Variants in ESR1 observed in about 807,000 individuals in gnomAD.
ESR1 encodes the protein estrogen receptor 1, also known as estrogen receptor.
Under a neutral mutation model 52.7 loss-of-function variants are expected in ESR1, and 12 were observed. That is an observed-to-expected ratio of 0.23 (90% confidence interval 0.15 to 0.37). The LOEUF is 0.37. Among genes scored for constraint, ESR1 ranks in the 10% least tolerant of loss-of-function variants. The pLI is 1.00. For missense variants in ESR1, 584 were observed against 779.7 expected (o/e 0.75, Z 2.99); for synonymous variants, 305 against 316.8 (o/e 0.96, Z 0.39).
chr6:151,827,571 C>T (rs552433567), intron 1 of ESR1, among the ~76,000 whole-genome samples: 2 of 152,272 alleles, frequency 1.3e-5, no homozygotes, highest in East Asian at 1.9e-4. Flanking sequence ...ATGTACACAT[C>T]GCCCAGCTTC....
intron 2 of ESR1, among the ~76,000 whole-genome samples, chr6:151,760,330 T>C (rs868797211): frequency 1.4e-4 from 22 of 152,224 alleles, no homozygotes; most frequent in Non-Finnish European, 1.6e-4. Flanking sequence ...CAAGGCATTG[T>C]AGTTGGTGGA....
exon 7 of ESR1, chr6:152,125,313 A>G (rs2053005034): frequency 6.5e-7 from 1 of 1,550,268 alleles, no homozygotes; most frequent in Admixed American, 2.0e-5. Flanking sequence ...CTTGCATCCT[A>G]AAATATTTGG....
In ESR1 at chr6:152,100,298, G is replaced by A. The variant is rs17847057; in HGVS notation, c.*1332G>A. On this transcript the variant is annotated 3_prime_UTR_variant, in exon 8 of 8. Transcript: ENST00000206249. ...GGGGCACGGGAGAAGGGTGGGGACC[G>A]TTGCTGTCACTACTCAGGCTGACTG... The A allele has an allele frequency of 1.8e-4, 69 of 389,596 alleles. No homozygotes were observed. Among genetic ancestry groups the A allele is most frequent in the East Asian group, 1.1e-3 (30 of 27,608 alleles). 24.1% of individuals were successfully genotyped at this position (389,596 alleles called of 1,614,324 possible).
chr6:151,796,022 C>T (rs1305541993), intron 2 of ESR1, among the ~76,000 whole-genome samples: 1 of 151,494 alleles, frequency 6.6e-6, no homozygotes, highest in Non-Finnish European at 1.5e-5. Flanking sequence ...CACAATTAGC[C>T]GGGCATGGTG....
intron 1 of ESR1, among the ~76,000 whole-genome samples, chr6:151,684,059 A>G (rs1467933694): frequency 6.6e-6 from 1 of 152,008 alleles, no homozygotes; most frequent in Non-Finnish European, 1.5e-5. Flanking sequence ...CAAGCTCCTC[A>G]GGATCATATC....
At position 152,101,598 on chromosome 6, in the gene ESR1, G is replaced by C; in HGVS notation, c.*2632G>C. On this transcript the variant is annotated 3_prime_UTR_variant, in exon 8 of 8. Coordinates refer to ENST00000206249, the MANE Select transcript of ESR1 (RefSeq NM_000125.4). Reference sequence around the variant, plus strand: ...ATTTTTACTTGAAGTGCCACTAATGGACAGCAGATATTTTCTGGCTGATGT... The same window carrying C: ...ATTTTTACTTGAAGTGCCACTAATGCACAGCAGATATTTTCTGGCTGATGT... 4.3e-6 allele frequency: 1 copy of C among 230,716 alleles called. No homozygotes were observed. Among genetic ancestry groups the C allele is most frequent in the East Asian group, 6.2e-5 (1 of 16,210 alleles). 14.3% of individuals were successfully genotyped at this position (230,716 alleles called of 1,614,324 possible). A position where few individuals can be genotyped will look rare whatever the true frequency, so the allele number is the denominator to read the frequency against.
At chr6:151,918,460 C>T (rs1019416165) in intron 3 of ESR1, among the ~76,000 whole-genome samples, 8 of 152,270 alleles carry the variant, frequency 5.3e-5, no homozygotes, top group Admixed American at 2.0e-4. Flanking sequence ...GTGTATCACC[C>T]CAAAGGACTA....
chr6:151,707,573 C>T (rs1780276477), intron 2 of ESR1, among the ~76,000 whole-genome samples: 1 of 151,944 alleles, frequency 6.6e-6, no homozygotes, highest in Non-Finnish European at 1.5e-5. Context: ...TTTTATTTAA[C>T]ATTAGAATTT....
chr6:151,687,129 A>T (rs1351515887), upstream of ESR1, among the ~76,000 whole-genome samples: 1 of 151,958 alleles, frequency 6.6e-6, no homozygotes, highest in Non-Finnish European at 1.5e-5. Context: ...CATCTTTTTC[A>T]CATTTGGTCA....
rs1315045694 is a variant in ESR1, at chr6:152,098,607, A to T, written c.1554-125A>T. ...CTCCCATCCTAAAGTGGGTCTTTAA[A>T]CAGGAAGAAAGAAAGATTGCTAAGT... On this transcript the variant is annotated intron_variant, in intron 7 of 7. Transcript: ENST00000206249. The surrounding 1 kb of genome is among the most constrained non-coding windows in gnomAD (Gnocchi z 5.1). 1.2e-6 allele frequency: 1 copy of T among 830,406 alleles called. No individual in the cohort carries two copies. Among genetic ancestry groups the T allele is most frequent in the African/African-American group, 1.7e-5 (1 of 59,502 alleles). 51.4% of individuals were successfully genotyped at this position (830,406 alleles called of 1,614,324 possible). A position where few individuals can be genotyped will look rare whatever the true frequency, so the allele number is the denominator to read the frequency against.
chr6:152,087,695 C>T (rs915080517), intron 6 of ESR1, among the ~76,000 whole-genome samples: 6 of 152,170 alleles, frequency 3.9e-5, no homozygotes, highest in Non-Finnish European at 2.9e-5. Context: ...GATAGATCAT[C>T]CTCTTAAAGT....
intron 2 of ESR1, among the ~76,000 whole-genome samples, chr6:151,863,734 C>G (rs972240850): frequency 6.6e-6 from 1 of 152,094 alleles, no homozygotes; most frequent in African/African-American, 2.4e-5. Flanking sequence ...TGGAACAGAA[C>G]AGAGCCCTCA....
intron 6 of ESR1, among the ~76,000 whole-genome samples, chr6:152,083,941 T>C (rs1200075981): frequency 6.6e-6 from 1 of 152,194 alleles, no homozygotes; most frequent in East Asian, 1.9e-4. Flanking sequence ...CAAAGGATTA[T>C]AAATCATGCT....
rs147612495 is a variant in ESR1 at position 151,967,646 on chromosome 6, C to T, written c.1096+23138C>T. ...TGTGAATAGTGCCACAATAAACATA[C>T]GTGTTCATGTGTCTTTATAGTAGAA... On this transcript the variant is annotated intron_variant, in intron 4 of 7. Coordinates refer to ENST00000206249, the MANE Select transcript of ESR1 (RefSeq NM_000125.4). Among the ~76,000 whole-genome samples, 187 of 152,254 alleles carry T rather than the reference C, an allele frequency of 1.2e-3. 1 individual carries two copies. In the East Asian group the frequency reaches 0.013, roughly 11 times the overall value.
At chr6:151,783,803 C>A (rs1786770724) in intron 2 of ESR1, among the ~76,000 whole-genome samples, 1 of 152,154 alleles carries the variant, frequency 6.6e-6, no homozygotes. Flanking sequence ...ATTCCAGTAT[C>A]CCATCCAGAA....
chr6:151,739,624 A>G (rs1420658997), intron 2 of ESR1, among the ~76,000 whole-genome samples: 1 of 152,252 alleles, frequency 6.6e-6, no homozygotes, highest in Non-Finnish European at 1.5e-5. Context: ...CTGTCAAATG[A>G]CAAGCAAGGG....
chr6:152,081,794 T>A (rs898548524), intron 6 of ESR1, among the ~76,000 whole-genome samples: 1 of 151,866 alleles, frequency 6.6e-6, no homozygotes, highest in African/African-American at 2.4e-5. Flanking sequence ...TAAAGGGATA[T>A]CACCACCGAT....
chr6:151,853,169 C>CAAAAAAAA (rs386408969), intron 2 of ESR1, among the ~76,000 whole-genome samples: 32 of 42,896 alleles, frequency 7.5e-4, no homozygotes, highest in East Asian at 1.9e-3. Flanking sequence ...AGACTCGTCT[C>CAAAAAAAA]AAAAAAAAAA....
At chr6:151,942,721 C>T (rs761905842) in intron 3 of ESR1, among the ~76,000 whole-genome samples, 13 of 151,820 alleles carry the variant, frequency 8.6e-5, no homozygotes, top group African/African-American at 2.9e-4. Context: ...AAAATTCTCA[C>T]GCTAGTTATT....
Sources: gnomAD v4.1 joint callset for allele counts (sites outside exome capture counted in the v4.1 genomes callset) on GRCh38, gnomAD v4.1.1 for gene constraint, Gnocchi (gnomAD v3.1) non-coding constraint, MANE v1.5 for transcripts, NCBI Gene and HGNC (gene_info 2026-07-23, HGNC 2026-07-21) for gene names.